The following NOTCH2NLC variants were observed in gnomAD, a reference collection of about 807,000 sequenced individuals.
NOTCH2NLC encodes the protein notch homolog 2 N-terminal-like protein C.
Under a neutral mutation model 17.7 loss-of-function variants are expected in NOTCH2NLC, and 4 were observed. The ratio of observed to expected loss-of-function variants is 0.23; its 90% CI spans 0.11 to 0.52. The LOEUF (loss-of-function observed/expected upper bound fraction) is 0.52, where lower values mean the gene tolerates loss of function less well. Ranked by LOEUF, NOTCH2NLC falls within the 20% of genes least tolerant of loss-of-function variation. The pLI is 0.96. For synonymous variants in NOTCH2NLC, 18 were observed against 86.0 expected (o/e 0.21, Z 4.38); for missense variants, 57 against 207.2 (o/e 0.28, Z 4.45).
In NOTCH2NLC at chr1:149,471,798, A is replaced by C. The variant is rs1486732998; in HGVS notation, c.*7645A>C. Reference sequence around the variant, plus strand: ...GATATATGAATTATACTATGGAACTAATAATAACAGTAATAAAGCAAGGTG... The same window carrying C: ...GATATATGAATTATACTATGGAACTCATAATAACAGTAATAAAGCAAGGTG... On this transcript the variant is annotated 3_prime_UTR_variant, in exon 5 of 5. Transcript: ENST00000650865. 4.1e-5 allele frequency among the ~76,000 whole-genome samples: 6 copies of C among 147,528 alleles called. 1 individual carries two copies. In the Middle Eastern group the frequency reaches 0.011, roughly 262 times the overall value.
At chr1:149,438,375 G>A in intron 2 of NOTCH2NLC, among the ~76,000 whole-genome samples, 1 of 51,724 alleles carries the variant, frequency 1.9e-5, no homozygotes, top group Middle Eastern at 7.0e-3. Context: ...GAAGAGGGCA[G>A]TGAAGGTGGG....
chr1:149,441,009 C>T (rs1396879556), intron 2 of NOTCH2NLC, among the ~76,000 whole-genome samples: 1 of 150,758 alleles, frequency 6.6e-6, no homozygotes, highest in Non-Finnish European at 1.5e-5. Flanking sequence ...CCTTTTTGGC[C>T]TTGACTCTTG....
intron 3 of NOTCH2NLC, among the ~76,000 whole-genome samples, chr1:149,459,909 AGACTGGCCCCCAT>A (rs1463806122): frequency 6.8e-6 from 1 of 146,000 alleles, no homozygotes; most frequent in Non-Finnish European, 1.5e-5. Context: ...AGCACAGGAA[AGACTGGCCCCCAT>A]GATACAGTTA....
At chr1:149,460,859 CTTTCTTTCTTTCTTT>C (rs2084641875) in intron 3 of NOTCH2NLC, among the ~76,000 whole-genome samples, 3 of 1,798 alleles carry the variant, frequency 1.7e-3, no homozygotes, top group Non-Finnish European at 4.5e-3. Context: ...TTCTCCCTTT[CTTTCTTTCTTTCTTT>C]CTTTCTTTCT....
Position 149,412,031 on chromosome 1 carries a change from G to T in NOTCH2NLC, c.136-18911G>T, listed in dbSNP as rs1388799711. 5.7e-5 allele frequency among the ~76,000 whole-genome samples: 6 copies of T among 106,042 alleles called. No individual in the cohort carries two copies. The South Asian group carries it at 1.8e-3, about 32-fold the overall frequency. The allele number at this position is 106,042 out of a possible 152,430, so 69.6% of individuals were successfully genotyped here. A position where few individuals can be genotyped will look rare whatever the true frequency, so the allele number is the denominator to read the frequency against. On this transcript the variant is annotated intron_variant, in intron 1 of 4. Coordinates refer to ENST00000650865, the MANE Select transcript of NOTCH2NLC (RefSeq NM_001364013.2). ...CTTGGGAGGCTGAGGCAGGAGGATT[G>T]CTTGAGCCCCAGAGGTTGAGGCTGC...
rs1553702696 is a variant in NOTCH2NLC at position 149,390,829 on chromosome 1, C to CGGA, written c.48_50dup (p.Gly18dup). 16,331 of 1,277,090 alleles carry CGGA rather than the reference C, an allele frequency of 0.013. 1,366 individuals are homozygous for CGGA. Among genetic ancestry groups the CGGA allele is most frequent in the Admixed American group, 0.018 (488 of 27,148 alleles). 79.1% of individuals were successfully genotyped at this position (1,277,090 alleles called of 1,614,324 possible). ...GCGGCGGCGGCGGCGGCGGCGGCGG[C>CGGA]GGAGGAGGCGGCGACCGAGAAGATG... On this transcript the variant is annotated inframe_insertion, in exon 1 of 5. Transcript: ENST00000650865.
At position 149,425,962 on chromosome 1, in the gene NOTCH2NLC, T is replaced by TA. The variant is rs1441196996; in HGVS notation, c.136-4979dup. Among the ~76,000 whole-genome samples, 2 of 149,984 alleles carry TA rather than the reference T, an allele frequency of 1.3e-5. 1 individual carries two copies. Among genetic ancestry groups the TA allele is most frequent in the African/African-American group, 4.9e-5 (2 of 40,812 alleles). The stretch of plus-strand genomic sequence containing the variant: ...CAGCTGAGTAGTTTACTCTCCTACT[T>TA]AGAGCTGTGATCCTTATCATGGGCT... On this transcript the variant is annotated intron_variant, in intron 1 of 4. Transcript: ENST00000650865.
intron 1 of NOTCH2NLC, among the ~76,000 whole-genome samples, chr1:149,416,420 TTC>T (rs1253482452): frequency 1.9e-5 from 1 of 53,606 alleles, no homozygotes; most frequent in Admixed American, 2.1e-4. Context: ...CAGGCCATGC[TTC>T]TCTGTTCAGT....
rs1286571046 is a variant in NOTCH2NLC at position 149,468,687 on chromosome 1, T to A, written c.*4534T>A. Among the ~76,000 whole-genome samples the A allele has an allele frequency of 0.026, 3,529 of 136,570 alleles. 26 individuals are homozygous for A. Among genetic ancestry groups the A allele is most frequent in the Middle Eastern group, 0.035 (9 of 254 alleles). 89.6% of individuals were successfully genotyped at this position (136,570 alleles called of 152,430 possible). On this transcript the variant is annotated 3_prime_UTR_variant, in exon 5 of 5. Transcript: ENST00000650865. ...TTTAAATGTACTGAAATTATTCTTT[T>A]TGAATCCTCCTATTTATTTCTGTGA...
At chr1:149,412,898 C>CTTT (rs1228082474) in intron 1 of NOTCH2NLC, among the ~76,000 whole-genome samples, 44 of 95,626 alleles carry the variant, frequency 4.6e-4, no homozygotes, top group East Asian at 1.2e-3. Flanking sequence ...AGATGACTGA[C>CTTT]TTTTTTTTTT....
At chr1:149,429,568 A>G (rs2084432313) in intron 1 of NOTCH2NLC, among the ~76,000 whole-genome samples, 1 of 151,126 alleles carries the variant, frequency 6.6e-6, no homozygotes, top group East Asian at 2.0e-4. Context: ...AGTAAGTTCT[A>G]TGTGTTAGCC....
At chr1:149,404,437 C>G in intron 1 of NOTCH2NLC, among the ~76,000 whole-genome samples, 1 of 151,320 alleles carries the variant, frequency 6.6e-6, no homozygotes, top group Non-Finnish European at 1.5e-5. Context: ...AGTGACTGGC[C>G]CAAGTACCTA....
chr1:149,443,560 T>C (rs1481858051), intron 2 of NOTCH2NLC, among the ~76,000 whole-genome samples: 1 of 150,654 alleles, frequency 6.6e-6, no homozygotes, highest in African/African-American at 2.4e-5. Context: ...CAAGGCTGTT[T>C]TTCACAGGAA....
At chr1:149,392,972 A>G (rs1388645656) in intron 1 of NOTCH2NLC, among the ~76,000 whole-genome samples, 2 of 148,180 alleles carry the variant, frequency 1.3e-5, no homozygotes, top group African/African-American at 5.0e-5. Context: ...TTGGGAGGCT[A>G]AGGCGGAGAA....
intron 2 of NOTCH2NLC, among the ~76,000 whole-genome samples, chr1:149,445,995 T>G: frequency 2.7e-5 from 3 of 109,568 alleles, no homozygotes; most frequent in Admixed American, 9.5e-5. Flanking sequence ...GAACATTCGG[T>G]GGAGAAAACA....
intron 3 of NOTCH2NLC, among the ~76,000 whole-genome samples, chr1:149,460,917 C>A (rs1401365746): frequency 8.1e-6 from 1 of 122,886 alleles, no homozygotes; most frequent in East Asian, 3.0e-4. Context: ...CTTTCTTTCT[C>A]TCTCTTTCTC....
intron 2 of NOTCH2NLC, among the ~76,000 whole-genome samples, chr1:149,449,159 G>T (rs1354810866): frequency 6.6e-6 from 1 of 150,722 alleles, no homozygotes; most frequent in Non-Finnish European, 1.5e-5. Flanking sequence ...GAGATTACTG[G>T]TGTGAGCCAC....
chr1:149,428,874 G>C (rs1405579899), intron 1 of NOTCH2NLC, among the ~76,000 whole-genome samples: 1 of 150,158 alleles, frequency 6.7e-6, no homozygotes, highest in African/African-American at 2.4e-5. Context: ...TACTGTGACG[G>C]TTTTATTTAT....
rs1199139254 is a variant in NOTCH2NLC at position 149,460,633 on chromosome 1, G to A, written c.470-2858G>A. On this transcript the variant is annotated intron_variant, in intron 3 of 4. Coordinates refer to ENST00000650865, the MANE Select transcript of NOTCH2NLC (RefSeq NM_001364013.2). ...ATTACAGGTGTGAGCCACCACACCC[G>A]GCCGATTCTGATCATCTTTTATACA... is the stretch of plus-strand genomic sequence containing the variant. 2.5e-4 allele frequency among the ~76,000 whole-genome samples: 38 copies of A among 149,388 alleles called. 1 individual carries two copies. The South Asian group carries it at 6.2e-3, about 24-fold the overall frequency.
Sources: allele counts gnomAD v4.1 joint callset (sites outside exome capture counted in the v4.1 genomes callset), GRCh38; gene constraint gnomAD v4.1.1; transcripts MANE v1.5; gene names NCBI Gene and HGNC (gene_info 2026-07-23, HGNC 2026-07-21).